MECOM: variants seen among roughly 807,000 people sequenced by gnomAD.
MECOM encodes the protein histone-lysine N-methyltransferase MECOM.
MECOM carries 13 observed loss-of-function variants against 116.3 expected under a neutral mutation model. The observed-to-expected ratio is 0.11, with a 90% CI of 0.07 to 0.18. The LOEUF (loss-of-function observed/expected upper bound fraction) is 0.18. MECOM is among the 10% of genes least tolerant of loss of function. The pLI, the probability that MECOM is intolerant of heterozygous loss-of-function variation, is 1.00. For missense variants in MECOM, 1,299 were observed against 1,509.0 expected, an observed-to-expected ratio of 0.86 and a Z score of 2.31; for synonymous variants, 528 against 535.2, an observed-to-expected ratio of 0.99 and a Z score of 0.19.
At chr3:169,306,489 C>T (rs1187010655) in intron 2 of MECOM, among the ~76,000 whole-genome samples, 1 of 152,158 alleles carries the variant, frequency 6.6e-6, no homozygotes, top group Non-Finnish European at 1.5e-5. Flanking sequence ...TGAGGCCAGC[C>T]TGGCCAATGT....
At chr3:169,102,029 G>A (rs1176773723) in intron 11 of MECOM, 31 bp downstream of exon 11, 2 of 1,570,664 alleles carry the variant, frequency 1.3e-6, no homozygotes, top group Non-Finnish European at 1.7e-6. Context: ...GAGATTTCTG[G>A]AAAGTCAGCC....
intron 3 of MECOM, among the ~76,000 whole-genome samples, chr3:169,140,081 C>T (rs1299696923): frequency 6.6e-6 from 1 of 151,670 alleles, no homozygotes; most frequent in Non-Finnish European, 1.5e-5. Flanking sequence ...TATGCTTCCT[C>T]TCTATATTGG....
intron 1 of MECOM, among the ~76,000 whole-genome samples, chr3:169,642,126 A>C (rs1313373679): frequency 6.6e-6 from 1 of 152,218 alleles, no homozygotes; most frequent in Non-Finnish European, 1.5e-5. Flanking sequence ...CTTCCCATTT[A>C]TTAATCATAT....
intron 2 of MECOM, among the ~76,000 whole-genome samples, chr3:169,163,471 A>G (rs540165762): frequency 6.6e-6 from 1 of 152,324 alleles, no homozygotes; most frequent in African/African-American, 2.4e-5. Flanking sequence ...AATAGTAATT[A>G]TAATACAATC....
intron 1 of MECOM, among the ~76,000 whole-genome samples, chr3:169,506,833 A>G (rs1397463171): frequency 1.3e-5 from 2 of 152,182 alleles, no homozygotes; most frequent in African/African-American, 2.4e-5. Context: ...CTTGGTCCCA[A>G]TTTGGCTCAT....
Position 169,498,456 on chromosome 3 carries a change from G to A in MECOM, c.38-116932C>T, listed in dbSNP as rs575204511. Reference sequence around the variant, plus strand: ...AAACCTACAATACTAAAGGATGCTCGGTTTATGCCCAAAGATGAACAGTAG... The same window carrying A: ...AAACCTACAATACTAAAGGATGCTCAGTTTATGCCCAAAGATGAACAGTAG... On this transcript the variant is annotated intron_variant, in intron 1 of 16. Transcript: ENST00000651503. Among the ~76,000 whole-genome samples the A allele has an allele frequency of 3.0e-4, 45 of 152,210 alleles. 1 individual carries two copies. Among genetic ancestry groups the A allele is most frequent in the East Asian group, 1.5e-3 (8 of 5,184 alleles).
intron 2 of MECOM, among the ~76,000 whole-genome samples, chr3:169,333,075 T>C (rs1192664151): frequency 6.6e-6 from 1 of 152,188 alleles, no homozygotes; most frequent in Non-Finnish European, 1.5e-5. Flanking sequence ...ATTAATAATA[T>C]CCTTTTCCTT....
chr3:169,455,359 G>A (rs1461270757), intron 1 of MECOM, among the ~76,000 whole-genome samples: 1 of 152,136 alleles, frequency 6.6e-6, no homozygotes, highest in Admixed American at 6.6e-5. Context: ...GTGTATCTCC[G>A]CGTTTATACT....
Position 169,590,469 on chromosome 3 carries a change from G to T in MECOM, c.37+72867C>A, listed in dbSNP as rs186758945. 2.0e-5 allele frequency among the ~76,000 whole-genome samples: 3 copies of T among 152,262 alleles called. No homozygotes were observed. The East Asian group carries it at 5.8e-4, about 29-fold the overall frequency. ...AGTGCAGAATGTTCTTCTCTAAATG[G>T]TTGTCAGAGGCCAATTTGTTAAGAC... On this transcript the variant is annotated intron_variant, in intron 1 of 16. Transcript: ENST00000651503.
intron 1 of MECOM, among the ~76,000 whole-genome samples, chr3:169,382,456 CGA>C (rs1388633441): frequency 2.6e-5 from 4 of 152,024 alleles, no homozygotes; most frequent in Non-Finnish European, 5.9e-5. Flanking sequence ...TTGAAGTAAA[CGA>C]GTGGACCGTG....
chr3:169,178,412 C>T (rs1745488022), intron 2 of MECOM, among the ~76,000 whole-genome samples: 2 of 152,132 alleles, frequency 1.3e-5, no homozygotes, highest in South Asian at 4.1e-4. Context: ...CCAAATAGAG[C>T]AGAGTCGAGG....
At chr3:169,268,356 T>G (rs1019420956) in intron 2 of MECOM, among the ~76,000 whole-genome samples, 2 of 152,204 alleles carry the variant, frequency 1.3e-5, no homozygotes, top group Non-Finnish European at 2.9e-5. Context: ...AACCAGCTTT[T>G]TCTCACAAGT....
At chr3:169,433,899 G>C (rs1742191907) in intron 1 of MECOM, among the ~76,000 whole-genome samples, 2 of 152,052 alleles carry the variant, frequency 1.3e-5, no homozygotes, top group South Asian at 4.2e-4. Flanking sequence ...CACCTATCTA[G>C]AGAAAAATCC....
intron 1 of MECOM, among the ~76,000 whole-genome samples, chr3:169,599,810 A>G (rs1451357784): frequency 6.6e-6 from 1 of 152,242 alleles, no homozygotes; most frequent in Non-Finnish European, 1.5e-5. Flanking sequence ...TTCCCTGATC[A>G]TTCAAAGAGA....
intron 2 of MECOM, among the ~76,000 whole-genome samples, chr3:169,338,371 T>C (rs1723924992): frequency 6.6e-6 from 1 of 152,090 alleles, no homozygotes; most frequent in Non-Finnish European, 1.5e-5. Context: ...CCTGTTTGCT[T>C]GTAGGTCTCC....
intron 2 of MECOM, among the ~76,000 whole-genome samples, chr3:169,299,823 C>T (rs1334996227): frequency 6.6e-6 from 1 of 152,158 alleles, no homozygotes; most frequent in African/African-American, 2.4e-5. Flanking sequence ...CTTTGCCCCA[C>T]AAAGAAATCA....
intron 1 of MECOM, among the ~76,000 whole-genome samples, chr3:169,573,210 T>G (rs1764125107): frequency 1.3e-5 from 2 of 152,234 alleles, no homozygotes; most frequent in Non-Finnish European, 2.9e-5. Context: ...GGTTTTGTTT[T>G]CTGCATAATA....
chr3:169,285,924 A>G (rs146348481), intron 2 of MECOM, among the ~76,000 whole-genome samples: 14 of 152,290 alleles, frequency 9.2e-5, no homozygotes, highest in Admixed American at 2.6e-4. Context: ...TTTTCAACCA[A>G]CTTTCGCTGT....
intron 1 of MECOM, among the ~76,000 whole-genome samples, chr3:169,385,339 A>T (rs966221568): frequency 3.9e-5 from 6 of 152,196 alleles, no homozygotes; most frequent in Admixed American, 3.3e-4. Flanking sequence ...AAAATGTACA[A>T]TTAAACCTAA....
Sources: allele counts gnomAD v4.1 joint callset (sites outside exome capture counted in the v4.1 genomes callset), GRCh38; gene constraint gnomAD v4.1.1; transcripts MANE v1.5; gene names NCBI Gene and HGNC (gene_info 2026-07-23, HGNC 2026-07-21).